Variants in ASIC2 observed in about 807,000 individuals in gnomAD.
The protein encoded by ASIC2 is acid-sensing ion channel 2.
ASIC2 carries 25 observed loss-of-function variants against 57.3 expected under a neutral mutation model. The ratio of observed to expected loss-of-function variants is 0.44; its 90% CI spans 0.32 to 0.61. The LOEUF is 0.61. Ranked by LOEUF, ASIC2 falls within the 20% of genes least tolerant of loss-of-function variation. The probability of loss-of-function intolerance (pLI) is 0.06; values close to 1 mark genes in which losing one functional copy is unlikely to be tolerated. For synonymous variants in ASIC2, 319 were observed against 307.5 expected (o/e 1.04, Z -0.39); for missense variants, 641 against 738.1 (o/e 0.87, Z 1.52).
intron 1 of ASIC2, among the ~76,000 whole-genome samples, chr17:33,310,469 C>T (rs570128369): frequency 1.3e-5 from 2 of 152,202 alleles, no homozygotes; most frequent in South Asian, 2.1e-4. Flanking sequence ...ACCTTGAGTG[C>T]CAAGATTGCC....
At chr17:33,081,093 T>C (rs2092111523) in intron 3 of ASIC2, among the ~76,000 whole-genome samples, 1 of 152,200 alleles carries the variant, frequency 6.6e-6, no homozygotes, top group Non-Finnish European at 1.5e-5. Context: ...TATATTTTTA[T>C]GGGATTCAGT....
At chr17:34,104,399 T>C (rs899054556) in intron 1 of ASIC2, among the ~76,000 whole-genome samples, 4 of 152,144 alleles carry the variant, frequency 2.6e-5, no homozygotes, top group Non-Finnish European at 4.4e-5. Flanking sequence ...TTTGAATTAA[T>C]TAAATAAAAC....
intron 1 of ASIC2, among the ~76,000 whole-genome samples, chr17:33,419,879 A>G (rs1290627544): frequency 6.6e-6 from 1 of 152,162 alleles, no homozygotes; most frequent in Non-Finnish European, 1.5e-5. Flanking sequence ...GAAAAAAAAA[A>G]CTACAGACAG....
chr17:33,403,103 G>C (rs1910340313), intron 1 of ASIC2, among the ~76,000 whole-genome samples: 1 of 152,124 alleles, frequency 6.6e-6, no homozygotes, highest in Non-Finnish European at 1.5e-5. Flanking sequence ...ATAAACATAT[G>C]CTCAGCCTGG....
At chr17:33,230,322 G>T in intron 1 of ASIC2, among the ~76,000 whole-genome samples, 1 of 152,222 alleles carries the variant, frequency 6.6e-6, no homozygotes, top group East Asian at 1.9e-4. Flanking sequence ...AAGTTGCTCT[G>T]GTGAGACTGT....
At chr17:33,203,489 A>G (rs1906955155) in intron 1 of ASIC2, among the ~76,000 whole-genome samples, 1 of 152,194 alleles carries the variant, frequency 6.6e-6, no homozygotes, top group African/African-American at 2.4e-5. Flanking sequence ...GCCCACTCCC[A>G]TTAATAAAGA....
At chr17:33,268,890 G>A (rs1357235126) in intron 1 of ASIC2, among the ~76,000 whole-genome samples, 1 of 152,140 alleles carries the variant, frequency 6.6e-6, no homozygotes, top group Non-Finnish European at 1.5e-5. Context: ...CAACACACTT[G>A]CTCTTTCCTC....
At chr17:33,863,111 A>T (rs1045199063) in intron 1 of ASIC2, among the ~76,000 whole-genome samples, 2 of 152,256 alleles carry the variant, frequency 1.3e-5, no homozygotes, top group Non-Finnish European at 2.9e-5. Context: ...GAGCCAGCTT[A>T]TAGCTAAGTC....
intron 1 of ASIC2, among the ~76,000 whole-genome samples, chr17:33,247,150 A>G (rs1908718889): frequency 6.6e-6 from 1 of 152,240 alleles, no homozygotes. Flanking sequence ...TGTGTGAGCC[A>G]CATTCTCCTC....
chr17:33,194,619 C>A (rs932624270), intron 1 of ASIC2, among the ~76,000 whole-genome samples: 1 of 151,912 alleles, frequency 6.6e-6, no homozygotes, highest in Non-Finnish European at 1.5e-5. Context: ...TTATGTACAA[C>A]CTGAAGCCAT....
chr17:33,790,094 T>C (rs1911726065), intron 1 of ASIC2, among the ~76,000 whole-genome samples: 1 of 152,236 alleles, frequency 6.6e-6, no homozygotes, highest in Admixed American at 6.5e-5. Flanking sequence ...GTTTCCTTTT[T>C]TCAGCAACGT....
At chr17:34,122,046 G>A (rs1911638077) in intron 1 of ASIC2, among the ~76,000 whole-genome samples, 1 of 152,166 alleles carries the variant, frequency 6.6e-6, no homozygotes, top group Non-Finnish European at 1.5e-5. Context: ...AAGCCCATAT[G>A]GGCACAGAGC....
chr17:34,115,785 A>G (rs998760185), intron 1 of ASIC2, among the ~76,000 whole-genome samples: 4 of 152,190 alleles, frequency 2.6e-5, no homozygotes, highest in African/African-American at 9.6e-5. Context: ...AAAACACCAT[A>G]TTTCAGCTGT....
intron 1 of ASIC2, among the ~76,000 whole-genome samples, chr17:33,509,772 A>G (rs1327704348): frequency 6.6e-6 from 1 of 152,240 alleles, no homozygotes; most frequent in East Asian, 1.9e-4. Context: ...AAAGCTGAAT[A>G]TAGCCCTTGC....
intron 1 of ASIC2, among the ~76,000 whole-genome samples, chr17:33,872,247 C>G (rs1336929723): frequency 6.6e-6 from 1 of 152,094 alleles, no homozygotes; most frequent in African/African-American, 2.4e-5. Context: ...GGATGACAGA[C>G]CTTACGCCAC....
chr17:33,236,274 G>A (rs1908293829), intron 1 of ASIC2, among the ~76,000 whole-genome samples: 1 of 152,124 alleles, frequency 6.6e-6, no homozygotes, highest in Non-Finnish European at 1.5e-5. Flanking sequence ...GTTCAATGGT[G>A]TCTCTTCAAA....
At chr17:34,095,486 C>T (rs765525722) in intron 1 of ASIC2, among the ~76,000 whole-genome samples, 7 of 151,706 alleles carry the variant, frequency 4.6e-5, no homozygotes, top group Non-Finnish European at 8.8e-5. Context: ...CCAGGACTGG[C>T]AATGCTGCAT....
chr17:34,073,023 A>T (rs1227313019), intron 1 of ASIC2, among the ~76,000 whole-genome samples: 4 of 152,254 alleles, frequency 2.6e-5, no homozygotes, highest in African/African-American at 9.6e-5. Flanking sequence ...GTATTCACAG[A>T]TCAAAGAACC....
At chr17:33,584,677 T>A (rs548418624) in intron 1 of ASIC2, among the ~76,000 whole-genome samples, 1 of 127,566 alleles carries the variant, frequency 7.8e-6, no homozygotes, top group African/African-American at 3.3e-5. Flanking sequence ...AGGAGATCCA[T>A]CTAAGTCAGA....
Sources: allele counts gnomAD v4.1 joint callset (sites outside exome capture counted in the v4.1 genomes callset), GRCh38; gene constraint gnomAD v4.1.1; transcripts MANE v1.5; gene names NCBI Gene and HGNC (gene_info 2026-07-23, HGNC 2026-07-21).